ESRRG: variants seen among roughly 807,000 people sequenced by gnomAD.
ESRRG encodes estrogen-related receptor gamma.
ESRRG carries 13 observed loss-of-function variants against 44.0 expected under a neutral mutation model. The ratio of observed to expected loss-of-function variants is 0.30; its 90% CI spans 0.19 to 0.47. The LOEUF (loss-of-function observed/expected upper bound fraction) is 0.47, where lower values mean the gene tolerates loss of function less well. ESRRG is among the 20% of genes least tolerant of loss of function. The pLI, the probability that ESRRG is intolerant of heterozygous loss-of-function variation, is 1.00. For missense variants in ESRRG, 395 were observed against 580.6 expected, an observed-to-expected ratio of 0.68 and a Z score of 3.29; for synonymous variants, 215 against 214.6, an observed-to-expected ratio of 1.00 and a Z score of -0.02.
intron 5 of ESRRG, among the ~76,000 whole-genome samples, chr1:216,521,083 C>CT (rs1174485644): frequency 2.0e-5 from 3 of 152,090 alleles, no homozygotes; most frequent in African/African-American, 7.2e-5. Flanking sequence ...AAATGCATTT[C>CT]TTTCGTTGTT....
chr1:216,984,057 G>A (rs796633970), intron 1 of ESRRG, among the ~76,000 whole-genome samples: 1 of 145,710 alleles, frequency 6.9e-6, no homozygotes, highest in Non-Finnish European at 1.5e-5. Flanking sequence ...ATGGGGGGGG[G>A]TATGTGGAGG....
chr1:217,075,543 CTCCACTTATACTTGGTG>C (rs2091167335), intron 1 of ESRRG, among the ~76,000 whole-genome samples: 1 of 152,050 alleles, frequency 6.6e-6, no homozygotes, highest in South Asian at 2.1e-4. Context: ...TTACCCCAAA[CTCCACTTATACTTGGTG>C]TTCCCACACT....
chr1:216,706,589 T>C (rs1047284356), intron 1 of ESRRG, among the ~76,000 whole-genome samples: 3 of 152,180 alleles, frequency 2.0e-5, no homozygotes, highest in Non-Finnish European at 4.4e-5. Flanking sequence ...ATTGGAAACT[T>C]ACAACATCAT....
intron 2 of ESRRG, chr1:216,862,156 T>TA (rs1373162815): frequency 1.3e-5 from 2 of 152,046 alleles, no homozygotes; most frequent in African/African-American, 4.8e-5. Context: ...ACACTTAATA[T>TA]ATGATCTGTT....
At chr1:216,579,792 C>A (rs1013541250) in intron 3 of ESRRG, among the ~76,000 whole-genome samples, 17 of 152,120 alleles carry the variant, frequency 1.1e-4, no homozygotes, top group Admixed American at 6.5e-5. Flanking sequence ...CAGCTGAAGG[C>A]TAGATGTTGA....
chr1:216,980,516 T>C (rs1322001681), intron 1 of ESRRG, among the ~76,000 whole-genome samples: 1 of 152,160 alleles, frequency 6.6e-6, no homozygotes, highest in African/African-American at 2.4e-5. Context: ...TCTATCCCCA[T>C]CTACTGAATA....
chr1:217,027,314 C>A (rs1028632408), intron 1 of ESRRG, among the ~76,000 whole-genome samples: 1 of 152,108 alleles, frequency 6.6e-6, no homozygotes, highest in African/African-American at 2.4e-5. Flanking sequence ...ATGACAAGCA[C>A]CCCCTTAGAG....
chr1:216,667,579 A>G (rs1164998486), intron 2 of ESRRG, among the ~76,000 whole-genome samples: 1 of 150,146 alleles, frequency 6.7e-6, no homozygotes, highest in African/African-American at 2.5e-5. Context: ...CCAGCTACTC[A>G]GGAGGCTGAG....
At chr1:217,028,665 A>G (rs1223216129) in intron 1 of ESRRG, among the ~76,000 whole-genome samples, 1 of 152,236 alleles carries the variant, frequency 6.6e-6, no homozygotes, top group Non-Finnish European at 1.5e-5. Context: ...AAAATTGGCA[A>G]AGAATATTTT....
At chr1:216,513,783 C>T (rs2043389474) in intron 6 of ESRRG, among the ~76,000 whole-genome samples, 1 of 152,108 alleles carries the variant, frequency 6.6e-6, no homozygotes, top group Non-Finnish European at 1.5e-5. Flanking sequence ...CCATATCTTA[C>T]ACTTTTCCAG....
chr1:216,940,044 A>C (rs1664950443), intron 1 of ESRRG, among the ~76,000 whole-genome samples: 1 of 152,174 alleles, frequency 6.6e-6, no homozygotes, highest in Admixed American at 6.6e-5. Context: ...GAAAAAAAAA[A>C]AATTCTTCCA....
chr1:216,523,467 G>A (rs2046686306), intron 5 of ESRRG, among the ~76,000 whole-genome samples: 1 of 150,276 alleles, frequency 6.7e-6, no homozygotes, highest in Admixed American at 6.7e-5. Flanking sequence ...TGACAGTGGT[G>A]CCATGGGCAC....
intron 1 of ESRRG, among the ~76,000 whole-genome samples, chr1:217,113,957 T>G (rs1021280161): frequency 2.0e-5 from 3 of 151,888 alleles, no homozygotes; most frequent in African/African-American, 7.3e-5. Context: ...CACACACCAC[T>G]GCAAACACTC....
chr1:216,976,287 T>C (rs2072870479), intron 1 of ESRRG, among the ~76,000 whole-genome samples: 1 of 3,610 alleles, frequency 2.8e-4, no homozygotes, highest in Non-Finnish European at 4.6e-4. Flanking sequence ...TGCTCCTAAA[T>C]GTGTGTGTGT....
intron 1 of ESRRG, among the ~76,000 whole-genome samples, chr1:217,027,205 A>G (rs2081356444): frequency 6.6e-6 from 1 of 152,206 alleles, no homozygotes; most frequent in Admixed American, 6.5e-5. Context: ...TAGTAATTCC[A>G]GAAAAGCCAC....
At chr1:216,701,763 T>G (rs1178462672) in intron 1 of ESRRG, among the ~76,000 whole-genome samples, 1 of 152,218 alleles carries the variant, frequency 6.6e-6, no homozygotes, top group Non-Finnish European at 1.5e-5. Flanking sequence ...TCCCTATGAA[T>G]TTGATAATGA....
intron 1 of ESRRG, among the ~76,000 whole-genome samples, chr1:217,046,739 C>T (rs2084949271): frequency 6.6e-6 from 1 of 151,980 alleles, no homozygotes; most frequent in South Asian, 2.1e-4. Context: ...AAAAATTAGC[C>T]AGGTGTGGTG....
At chr1:217,067,237 T>C (rs542216957) in intron 1 of ESRRG, among the ~76,000 whole-genome samples, 2 of 152,350 alleles carry the variant, frequency 1.3e-5, no homozygotes, top group South Asian at 4.1e-4. Context: ...AGCAAATGAA[T>C]GTAGGCAATA....
At chr1:216,980,812 G>A (rs951989030) in intron 1 of ESRRG, among the ~76,000 whole-genome samples, 8 of 152,204 alleles carry the variant, frequency 5.3e-5, no homozygotes, top group African/African-American at 1.4e-4. Flanking sequence ...TGGCTCCCTC[G>A]CTTGCCTCTA....
Sources: gnomAD v4.1 joint callset for allele counts (sites outside exome capture counted in the v4.1 genomes callset) on GRCh38, gnomAD v4.1.1 for gene constraint, MANE v1.5 for transcripts, NCBI Gene and HGNC (gene_info 2026-07-23, HGNC 2026-07-21) for gene names.